Variants in MYO16 observed in about 807,000 individuals in gnomAD.
MYO16 encodes myosin XVI, also known as unconventional myosin-XVI.
MYO16 carries 94 observed loss-of-function variants against 205.3 expected under a neutral mutation model. The observed-to-expected ratio is 0.46, with a 90% CI of 0.39 to 0.54. The LOEUF (loss-of-function observed/expected upper bound fraction) is 0.54. MYO16 is among the 20% of genes least tolerant of loss of function. The pLI is 0.00. For missense variants in MYO16, 2,315 were observed against 2,387.5 expected, an observed-to-expected ratio of 0.97 and a Z score of 0.63; for synonymous variants, 988 against 954.0, an observed-to-expected ratio of 1.04 and a Z score of -0.66.
the MYO16 span, among the ~76,000 whole-genome samples, chr13:108,588,266 C>T: frequency 6.6e-6 from 1 of 152,130 alleles, no homozygotes; most frequent in Admixed American, 6.6e-5. Context: ...TCAACGCTGC[C>T]TATGTGGGAA....
the MYO16 span, among the ~76,000 whole-genome samples, chr13:108,553,901 G>GAGA: frequency 1.3e-3 from 193 of 152,248 alleles, no homozygotes; most frequent in Admixed American, 2.5e-3. Context: ...TGCCCCAAGC[G>GAGA]AGAAGAGAAA....
intron 24 of MYO16, among the ~76,000 whole-genome samples, chr13:109,051,380 G>T (rs551726907): frequency 6.6e-6 from 1 of 152,026 alleles, no homozygotes; most frequent in Non-Finnish European, 1.5e-5. Context: ...GCCACAAAAC[G>T]TTGCCAACTG....
chr13:109,181,821 A>T (rs561598872), intron 34 of MYO16, among the ~76,000 whole-genome samples: 15,893 of 148,028 alleles, frequency 0.11, 1,062 homozygotes, highest in African/African-American at 0.19. Flanking sequence ...TATTTATTTT[A>T]TTTTATTTTT....
At chr13:109,097,682 AC>A (rs1888822058) in intron 27 of MYO16, among the ~76,000 whole-genome samples, 1 of 152,126 alleles carries the variant, frequency 6.6e-6, no homozygotes, top group Admixed American at 6.5e-5. Context: ...ATAATGAGCC[AC>A]CTTTTTCATA....
chr13:108,645,250 T>C (rs1880700435), intron 1 of MYO16, among the ~76,000 whole-genome samples: 1 of 152,198 alleles, frequency 6.6e-6, no homozygotes, highest in African/African-American at 2.4e-5. Flanking sequence ...TCATGCTACT[T>C]ACAATAGTAT....
At chr13:108,612,825 C>G (rs1050092773) in intron 1 of MYO16, among the ~76,000 whole-genome samples, 3 of 152,106 alleles carry the variant, frequency 2.0e-5, no homozygotes, top group Non-Finnish European at 4.4e-5. Flanking sequence ...GTTAATAGAG[C>G]CTGCCTTCCC....
In MYO16 at chr13:108,807,061, C is replaced by T. The variant is rs577518053; in HGVS notation, c.867+257C>T. On this transcript the variant is annotated intron_variant, in intron 7 of 34. Transcript: ENST00000457511. The stretch of plus-strand genomic sequence containing the variant: ...AAATCTGTAAACATTTGTCATAATA[C>T]GGATTTAAAATGTTTTTCATATTAT... Among the ~76,000 whole-genome samples the T allele has an allele frequency of 7.4e-4, 112 of 152,192 alleles. 1 individual carries two copies. Among genetic ancestry groups the T allele is most frequent in the African/African-American group, 2.5e-3 (104 of 41,536 alleles).
At chr13:108,967,149 A>AG (rs759644068) in intron 20 of MYO16, among the ~76,000 whole-genome samples, 1 of 127,406 alleles carries the variant, frequency 7.8e-6, no homozygotes, top group African/African-American at 3.5e-5. Context: ...TATACTGACT[A>AG]TATATATGTG....
chr13:108,516,347 G>T, the MYO16 span, among the ~76,000 whole-genome samples: 1 of 151,764 alleles, frequency 6.6e-6, no homozygotes, highest in African/African-American at 2.4e-5. Context: ...CGCACGGTGC[G>T]CGCACACACT....
At chr13:108,612,080 C>A (rs1566505027) in intron 1 of MYO16, among the ~76,000 whole-genome samples, 1 of 145,162 alleles carries the variant, frequency 6.9e-6, no homozygotes, top group Non-Finnish European at 1.5e-5. Flanking sequence ...CATATATATG[C>A]ATGCATGTGC....
chr13:109,129,151 A>G (rs1876413736), intron 31 of MYO16, among the ~76,000 whole-genome samples: 1 of 151,880 alleles, frequency 6.6e-6, no homozygotes, highest in African/African-American at 2.4e-5. Context: ...ACACTCTTCA[A>G]AGTGCTTTTT....
At chr13:108,604,626 T>C (rs1878884468) in intron 1 of MYO16, among the ~76,000 whole-genome samples, 1 of 152,232 alleles carries the variant, frequency 6.6e-6, no homozygotes, top group Non-Finnish European at 1.5e-5. Flanking sequence ...AAGTCATCTT[T>C]AATATATAAA....
chr13:108,889,032 C>T, intron 14 of MYO16, among the ~76,000 whole-genome samples: 2 of 149,806 alleles, frequency 1.3e-5, no homozygotes, highest in Non-Finnish European at 3.0e-5. Context: ...TCCAGCTGGA[C>T]AAGAGCAAAA....
In MYO16 at chr13:108,823,159, G is replaced by A. The variant is rs759432281; in HGVS notation, c.978G>A (p.Leu326=). 6.2e-7 allele frequency: 1 copy of A among 1,611,980 alleles called. No individual in the cohort carries two copies. Among genetic ancestry groups the A allele is most frequent in the Admixed American group, 1.7e-5 (1 of 59,940 alleles). ...IAASEFIEEM[L]LKAEIAWEEK... ...CCTCTGAGTTTATTGAGGAAATGCT[G>A]CTGAAAGCCGAAATTGCCTGGGAAG... is the stretch of plus-strand genomic sequence containing the variant. Residue 326 remains leucine (L), a synonymous_variant, in exon 9 of 35, where the codon CTG becomes CTA. Coordinates refer to ENST00000457511, the MANE Select transcript of MYO16 (RefSeq NM_001198950.3).
the MYO16 span, among the ~76,000 whole-genome samples, chr13:108,517,582 G>A: frequency 6.6e-6 from 1 of 152,106 alleles, no homozygotes; most frequent in Non-Finnish European, 1.5e-5. Flanking sequence ...AATTAATGTA[G>A]ATATACTATT....
intron 4 of MYO16, among the ~76,000 whole-genome samples, chr13:108,757,174 A>G (rs977550198): frequency 1.3e-5 from 2 of 152,208 alleles, no homozygotes; most frequent in Non-Finnish European, 2.9e-5. Flanking sequence ...AAAAATGAAC[A>G]TTTTAGCATG....
rs139818160 is a variant in MYO16, at chr13:108,790,015, T to TA, written c.617-3500dup. On this transcript the variant is annotated intron_variant, in intron 5 of 34. Transcript: ENST00000457511. ...CTAAGCTGAAGGTGAGGGGCTGGGT[T>TA]ACCCTAGGGAAACCAACCGTGGTGG... Among the ~76,000 whole-genome samples the TA allele has an allele frequency of 6.3e-3, 959 of 152,250 alleles. 8 individuals carry two copies. The highest frequency in any genetic ancestry group is 0.022 in the African/African-American group (899 of 41,548).
intron 28 of MYO16, among the ~76,000 whole-genome samples, chr13:109,108,589 G>A (rs1185683780): frequency 2.0e-5 from 3 of 152,152 alleles, no homozygotes; most frequent in East Asian, 1.9e-4. Context: ...CCCAAATTAG[G>A]CAAGGCAATT....
intron 27 of MYO16, chr13:109,065,495 A>T: frequency 2.4e-6 from 1 of 417,702 alleles, no homozygotes; most frequent in South Asian, 1.8e-5. Flanking sequence ...AAATTGTAGA[A>T]TTGAAAGAAA....
Sources: allele counts gnomAD v4.1 joint callset (sites outside exome capture counted in the v4.1 genomes callset), GRCh38; gene constraint gnomAD v4.1.1; transcripts MANE v1.5; gene names NCBI Gene and HGNC (gene_info 2026-07-23, HGNC 2026-07-21).